DTNB: variants seen among roughly 807,000 people sequenced by gnomAD.
The protein encoded by DTNB is DTN-B.
Under a neutral mutation model 90.7 loss-of-function variants are expected in DTNB, and 63 were observed. The observed-to-expected ratio is 0.69, with a 90% confidence interval of 0.57 to 0.86. DTNB has a LOEUF of 0.86. DTNB is among the 40% of genes least tolerant of loss of function. The pLI is 0.00. For missense variants in DTNB, 744 were observed against 807.1 expected, an observed-to-expected ratio of 0.92 and a Z score of 0.95; for synonymous variants, 277 against 286.7, an observed-to-expected ratio of 0.97 and a Z score of 0.34.
intron 12 of DTNB, among the ~76,000 whole-genome samples, chr2:25,439,532 T>C (rs1230254717): frequency 2.0e-5 from 3 of 152,000 alleles, no homozygotes; most frequent in East Asian, 1.9e-4. Flanking sequence ...TGGGTGTAGA[T>C]TATAGAGAAC....
chr2:25,407,789 G>A (rs2045583477), intron 16 of DTNB, among the ~76,000 whole-genome samples: 1 of 152,132 alleles, frequency 6.6e-6, no homozygotes, highest in African/African-American at 2.4e-5. Flanking sequence ...GTTGGGAGGG[G>A]CGTGAAGGAT....
intron 9 of DTNB, among the ~76,000 whole-genome samples, chr2:25,500,973 T>C (rs749996239): frequency 6.6e-6 from 1 of 152,152 alleles, no homozygotes; most frequent in Non-Finnish European, 1.5e-5. Context: ...CTGACCCCCA[T>C]GGGGCCCCCC....
intron 2 of DTNB, among the ~76,000 whole-genome samples, chr2:25,644,171 T>C (rs943537103): frequency 6.6e-6 from 1 of 152,080 alleles, no homozygotes; most frequent in African/African-American, 2.4e-5. Flanking sequence ...GTCTATGGAG[T>C]AGCCATTCTT....
intron 6 of DTNB, among the ~76,000 whole-genome samples, chr2:25,591,423 G>A (rs1166430884): frequency 1.3e-5 from 2 of 152,174 alleles, no homozygotes; most frequent in African/African-American, 2.4e-5. Flanking sequence ...GTTCTAGATG[G>A]GACACAGATG....
At chr2:25,454,948 A>AC in intron 11 of DTNB, among the ~76,000 whole-genome samples, 1 of 152,312 alleles carries the variant, frequency 6.6e-6, no homozygotes, top group Middle Eastern at 3.4e-3. Flanking sequence ...CTAACAGATA[A>AC]AGGGTGGTAA....
intron 9 of DTNB, among the ~76,000 whole-genome samples, chr2:25,528,705 A>G (rs540460042): frequency 5.3e-4 from 81 of 152,316 alleles, no homozygotes; most frequent in Admixed American, 1.6e-3. Flanking sequence ...ACCAAAACAC[A>G]TCGAATTGTA....
At chr2:25,640,053 C>T (rs1040146626) in intron 2 of DTNB, among the ~76,000 whole-genome samples, 21 of 152,220 alleles carry the variant, frequency 1.4e-4, no homozygotes, top group African/African-American at 5.1e-4. Flanking sequence ...CAGCACTGAA[C>T]GCTGTTCTGA....
At chr2:25,457,198 C>T (rs763311664) in intron 10 of DTNB, among the ~76,000 whole-genome samples, 26 of 151,768 alleles carry the variant, frequency 1.7e-4, no homozygotes, top group Non-Finnish European at 2.6e-4. Context: ...TTAGTAGAGA[C>T]GGGGTTTCAC....
rs779658231 is a variant in DTNB at position 25,482,839 on chromosome 2, T to G, written c.1036A>C (p.Met346Leu). ...PRPLTNMNDT[M>L]VSHMSSGVPT... ...ACTCCAGAGGACATGTGGCTAACCATGGTGTCATTCATATTAGTCAGAGGG... is the reference window on the plus strand; with the variant it reads ...ACTCCAGAGGACATGTGGCTAACCAGGGTGTCATTCATATTAGTCAGAGGG... Residue 346 changes from methionine (M) to leucine (L), a missense_variant, in exon 10 of 21, where the codon ATG becomes CTG. By Grantham distance (15) the Met-to-Leu change is conservative (BLOSUM62 2). Transcript: ENST00000406818. 1 of 1,612,162 alleles carries G rather than the reference T, an allele frequency of 6.2e-7. No homozygotes were observed. The highest frequency in any genetic ancestry group is 1.1e-5 in the South Asian group (1 of 91,016).
intron 2 of DTNB, chr2:25,649,953 C>T: frequency 2.1e-6 from 2 of 943,762 alleles, no homozygotes; most frequent in Non-Finnish European, 1.3e-6. Flanking sequence ...CTTCCAGCAG[C>T]AGACACTATA....
intron 2 of DTNB, among the ~76,000 whole-genome samples, chr2:25,640,668 G>A (rs1250220317): frequency 6.6e-6 from 1 of 152,062 alleles, no homozygotes; most frequent in Non-Finnish European, 1.5e-5. Context: ...TCAGTACTTT[G>A]GGGGGCTGAG....
At chr2:25,518,005 G>A (rs1328634972) in intron 9 of DTNB, among the ~76,000 whole-genome samples, 3 of 152,158 alleles carry the variant, frequency 2.0e-5, no homozygotes, top group Non-Finnish European at 2.9e-5. Flanking sequence ...CATGAGGTAT[G>A]TAAAGCAGTC....
At chr2:25,531,322 A>G in intron 9 of DTNB, 151 bp downstream of exon 9, 1 of 1,258,114 alleles carries the variant, frequency 7.9e-7, no homozygotes, top group Non-Finnish European at 1.1e-6. Context: ...TTTACAGAGA[A>G]GAAAGCTTGA....
At chr2:25,632,323 T>C (rs1036285265) in intron 3 of DTNB, among the ~76,000 whole-genome samples, 1 of 151,282 alleles carries the variant, frequency 6.6e-6, no homozygotes, top group Non-Finnish European at 1.5e-5. Context: ...GAAATCATAA[T>C]CAAAAGACAA....
At chr2:25,388,815 T>G (rs1381463521) in intron 16 of DTNB, among the ~76,000 whole-genome samples, 1 of 151,600 alleles carries the variant, frequency 6.6e-6, no homozygotes, top group Non-Finnish European at 1.5e-5. Context: ...CGTGTGTGTG[T>G]GTGTGTGTGT....
At chr2:25,560,758 G>A (rs946971463) in intron 8 of DTNB, among the ~76,000 whole-genome samples, 1 of 152,190 alleles carries the variant, frequency 6.6e-6, no homozygotes, top group East Asian at 1.9e-4. Context: ...TTTCTCTAGA[G>A]AATCCTAATA....
chr2:25,666,874 GAGCTGAAAGGA>G (rs992734796), intron 1 of DTNB, among the ~76,000 whole-genome samples: 160 of 152,240 alleles, frequency 1.1e-3, no homozygotes, highest in African/African-American at 3.7e-3. Flanking sequence ...AATGATGCTG[GAGCTGAAAGGA>G]AGCTAAAAAA....
intron 2 of DTNB, among the ~76,000 whole-genome samples, chr2:25,652,321 C>A (rs2081101391): frequency 6.6e-6 from 1 of 152,088 alleles, no homozygotes; most frequent in Non-Finnish European, 1.5e-5. Context: ...AGCAAGAGAT[C>A]TAAATTGACT....
At chr2:25,439,227 T>G (rs1005708404) in intron 12 of DTNB, among the ~76,000 whole-genome samples, 1 of 152,178 alleles carries the variant, frequency 6.6e-6, no homozygotes, top group Non-Finnish European at 1.5e-5. Context: ...GAAACTTGGC[T>G]GGGTTGCTCA....
Sources: allele counts gnomAD v4.1 joint callset (sites outside exome capture counted in the v4.1 genomes callset), GRCh38; gene constraint gnomAD v4.1.1; transcripts MANE v1.5; gene names NCBI Gene and HGNC (gene_info 2026-07-23, HGNC 2026-07-21).